The following UBE2W variants were observed in gnomAD, a reference collection of about 807,000 sequenced individuals.
UBE2W encodes ubiquitin conjugating enzyme E2 W, also known as ubiquitin-conjugating enzyme E2 W.
A neutral mutation model predicts 27.2 loss-of-function variants in UBE2W; 18 were observed. The observed-to-expected ratio is 0.66, with a 90% CI of 0.46 to 0.98. The LOEUF is 0.98. Ranked by LOEUF, UBE2W falls within the 50% of genes least tolerant of loss-of-function variation. The probability of loss-of-function intolerance (pLI) is 0.00; values close to 1 mark genes in which losing one functional copy is unlikely to be tolerated. For missense variants in UBE2W, 90 were observed against 180.2 expected (o/e 0.50, Z 2.87); for synonymous variants, 53 against 57.2 (o/e 0.93, Z 0.33).
At position 73,794,158 on chromosome 8, in the gene UBE2W, G is replaced by A. The variant is rs1025997159; in HGVS notation, c.443-43C>T. 7 of 1,600,506 alleles carry A rather than the reference G, an allele frequency of 4.4e-6. No individual in the cohort carries two copies. In the Admixed American group the frequency reaches 1.2e-4, roughly 27 times the overall value. On this transcript the variant is annotated intron_variant, in intron 5 of 5. Coordinates refer to ENST00000602593, the MANE Select transcript of UBE2W (RefSeq NM_018299.6). ...AAAAGATAATTAAAAAGTCAAGCATGTATAAGTAAATTCTACAAGTCTGTT... is the reference window on the plus strand; with the variant it reads ...AAAAGATAATTAAAAAGTCAAGCATATATAAGTAAATTCTACAAGTCTGTT...
rs560346343 is a variant in UBE2W, at chr8:73,793,997, C to T, written c.*105G>A. The T allele has an allele frequency of 1.8e-5, 28 of 1,566,290 alleles. No homozygotes were observed. The highest frequency in any genetic ancestry group is 2.4e-5 in the Non-Finnish European group (28 of 1,157,948). ...AGTAAAAGGAAGTAGTCTTCATTGC[C>T]TATAGGTCACTTCCAGTCAAAGGTT... is the stretch of plus-strand genomic sequence containing the variant. On this transcript the variant is annotated 3_prime_UTR_variant, in exon 6 of 6. Transcript: ENST00000602593.
rs543495313 is a variant in UBE2W at position 73,786,815 on chromosome 8, G to T, written c.*7287C>A. On this transcript the variant is annotated 3_prime_UTR_variant, in exon 6 of 6. Coordinates refer to ENST00000602593, the MANE Select transcript of UBE2W (RefSeq NM_018299.6). ...CTCAACAGGACTTGAAAAATGCAAG[G>T]AGAGGACTACTGAGTATCATTGCTT... is the stretch of plus-strand genomic sequence containing the variant. The T allele has an allele frequency of 1.0e-5, 10 of 985,300 alleles. No individual in the cohort carries two copies. Among genetic ancestry groups the T allele is most frequent in the African/African-American group, 1.7e-5 (1 of 57,234 alleles). The allele number at this position is 985,300 out of a possible 1,614,324, so 61.0% of individuals were successfully genotyped here. A position where few individuals can be genotyped will look rare whatever the true frequency, so the allele number is the denominator to read the frequency against.
At chr8:73,842,251 G>A (rs1043293564) in intron 1 of UBE2W, among the ~76,000 whole-genome samples, 7 of 152,064 alleles carry the variant, frequency 4.6e-5, no homozygotes, top group South Asian at 2.1e-4. Context: ...ACGTGGGGCC[G>A]GGCACAGTGG....
Position 73,820,173 on chromosome 8 carries a change from T to C in UBE2W, c.210+4974A>G, listed in dbSNP as rs542054934. On this transcript the variant is annotated intron_variant, in intron 3 of 5. Coordinates refer to ENST00000602593, the MANE Select transcript of UBE2W (RefSeq NM_018299.6). ...TTCATCAAATAAAATTTTGGGGGAA[T>C]TTTACTGCCCTAGAGGACTGGTTCT... Among the ~76,000 whole-genome samples, 9 of 152,246 alleles carry C rather than the reference T, an allele frequency of 5.9e-5. No individual in the cohort carries two copies. The South Asian group carries it at 8.3e-4, about 14-fold the overall frequency.
chr8:73,878,273 G>A (rs1812321496), intron 1 of UBE2W, among the ~76,000 whole-genome samples: 1 of 152,220 alleles, frequency 6.6e-6, no homozygotes, highest in Admixed American at 6.5e-5. Flanking sequence ...GAGGGACGGG[G>A]CCGAGCAGTC....
intron 5 of UBE2W, among the ~76,000 whole-genome samples, chr8:73,798,280 G>C (rs1046445820): frequency 2.0e-5 from 3 of 152,186 alleles, no homozygotes; most frequent in African/African-American, 7.2e-5. Context: ...CTAAGTGACA[G>C]AGTGAGATTC....
chr8:73,852,017 G>C (rs533694497), intron 1 of UBE2W, among the ~76,000 whole-genome samples: 27 of 151,246 alleles, frequency 1.8e-4, no homozygotes, highest in African/African-American at 6.3e-4. Flanking sequence ...AAAAATGAAG[G>C]GGGAAGGAAA....
chr8:73,783,883 T>TC (rs1807888781), downstream of UBE2W, among the ~76,000 whole-genome samples: 1 of 152,152 alleles, frequency 6.6e-6, no homozygotes, highest in African/African-American at 2.4e-5. Flanking sequence ...CACTTCAGCC[T>TC]CCCAAGTAGC....
chr8:73,796,560 CT>C, intron 5 of UBE2W: 1 of 796,696 alleles, frequency 1.3e-6, no homozygotes, highest in Non-Finnish European at 1.5e-6. Context: ...TGTGAAGCTA[CT>C]TTCCAGATCC....
chr8:73,835,576 C>G (rs911167616), intron 1 of UBE2W, among the ~76,000 whole-genome samples: 9 of 152,114 alleles, frequency 5.9e-5, no homozygotes, highest in African/African-American at 1.9e-4. Context: ...AAACCTGTCT[C>G]TACTAAAAAT....
chr8:73,791,267 GAAAAA>G lies in UBE2W; in HGVS notation c.*2830_*2834del, dbSNP rs1267971469. 1 of 816,648 alleles carries G rather than the reference GAAAAA, an allele frequency of 1.2e-6. No individual in the cohort carries two copies. The highest frequency in any genetic ancestry group is 1.4e-6 in the Non-Finnish European group (1 of 715,500). 50.6% of individuals were successfully genotyped at this position (816,648 alleles called of 1,614,324 possible). A position where few individuals can be genotyped will look rare whatever the true frequency, so the allele number is the denominator to read the frequency against. On this transcript the variant is annotated 3_prime_UTR_variant, in exon 6 of 6. Coordinates refer to ENST00000602593, the MANE Select transcript of UBE2W (RefSeq NM_018299.6). Reference sequence around the variant, plus strand: ...TGGCATTAATCCCTACTTGACCAAAGAAAAAAAAAAAAAAGAAGGGCATCATGTTC... The same window carrying G: ...TGGCATTAATCCCTACTTGACCAAAGAAAAAAAAAGAAGGGCATCATGTTC...
Position 73,792,173 on chromosome 8 carries a change from A to G in UBE2W, c.*1929T>C. 3 of 985,574 alleles carry G rather than the reference A, an allele frequency of 3.0e-6. No homozygotes were observed. In the South Asian group the frequency reaches 1.4e-4, roughly 46 times the overall value. 61.1% of individuals were successfully genotyped at this position (985,574 alleles called of 1,614,324 possible). ...TTAAAAGCAGTTTAAAACTATGAGTAATTCAAAGACTTTCTGTCTTGGTTA... is the reference window on the plus strand; with the variant it reads ...TTAAAAGCAGTTTAAAACTATGAGTGATTCAAAGACTTTCTGTCTTGGTTA... On this transcript the variant is annotated 3_prime_UTR_variant, in exon 6 of 6. Coordinates refer to ENST00000602593, the MANE Select transcript of UBE2W (RefSeq NM_018299.6).
intron 3 of UBE2W, among the ~76,000 whole-genome samples, chr8:73,813,103 AAAAAAAG>A (rs1265802681): frequency 2.7e-5 from 4 of 149,954 alleles, no homozygotes; most frequent in Non-Finnish European, 5.9e-5. Context: ...AAAAAAAAAA[AAAAAAAG>A]AACAACTGCC....
intron 1 of UBE2W, among the ~76,000 whole-genome samples, chr8:73,846,730 A>G (rs1243932280): frequency 6.6e-6 from 1 of 152,226 alleles, no homozygotes; most frequent in Non-Finnish European, 1.5e-5. Flanking sequence ...ATTACAAGGC[A>G]TTCAACACAT....
At chr8:73,801,046 C>T (rs1233931323) in intron 5 of UBE2W, among the ~76,000 whole-genome samples, 1 of 151,992 alleles carries the variant, frequency 6.6e-6, no homozygotes, top group Non-Finnish European at 1.5e-5. Context: ...GCCAAGATGG[C>T]GCCACTGCAC....
intron 2 of UBE2W, 79 bp from the exon 3 acceptor site, chr8:73,825,328 TC>T: frequency 1.1e-6 from 1 of 943,186 alleles, no homozygotes; most frequent in South Asian, 1.6e-5. Flanking sequence ...ACCAAGTACT[TC>T]CTATACACTA....
At chr8:73,805,143 T>C (rs1382299812) in intron 5 of UBE2W, among the ~76,000 whole-genome samples, 1 of 151,946 alleles carries the variant, frequency 6.6e-6, no homozygotes, top group African/African-American at 2.4e-5. Flanking sequence ...GGCTATGATT[T>C]TGTTTGCCCC....
At chr8:73,863,349 A>G (rs1352992129) in intron 1 of UBE2W, among the ~76,000 whole-genome samples, 6 of 142,236 alleles carry the variant, frequency 4.2e-5, no homozygotes, top group Non-Finnish European at 9.1e-5. Flanking sequence ...AACACCGCAT[A>G]TTCTCACTCA....
rs190174885 is a variant in UBE2W at position 73,815,869 on chromosome 8, A to G, written c.211-5240T>C. 9.2e-5 allele frequency among the ~76,000 whole-genome samples: 14 copies of G among 152,350 alleles called. No homozygotes were observed. The East Asian group carries it at 2.5e-3, about 27-fold the overall frequency. On this transcript the variant is annotated intron_variant, in intron 3 of 5. Coordinates refer to ENST00000602593, the MANE Select transcript of UBE2W (RefSeq NM_018299.6). ...AATATGTTCTCTGATTACAATTATT[A>G]TAAGATAGTATTTAATGCAGACAAC...
Sources: allele counts gnomAD v4.1 joint callset (sites outside exome capture counted in the v4.1 genomes callset), GRCh38; gene constraint gnomAD v4.1.1; transcripts MANE v1.5; gene names NCBI Gene and HGNC (gene_info 2026-07-23, HGNC 2026-07-21).